The following DHX9 variants were observed in gnomAD, a reference collection of about 807,000 sequenced individuals.
DHX9 encodes the protein DExH-box helicase 9, also known as ATP-dependent RNA helicase A.
In DHX9, 27 loss-of-function variants were observed where a neutral mutation model predicts 148.7. That is an observed-to-expected ratio of 0.18 (90% CI 0.13 to 0.25). The LOEUF (loss-of-function observed/expected upper bound fraction) is 0.25. Among genes scored for constraint, DHX9 ranks in the 10% least tolerant of loss-of-function variants. DHX9 has a pLI of 1.00. For missense variants in DHX9, 796 were observed against 1,559.6 expected, an observed-to-expected ratio of 0.51 and a Z score of 8.25; for synonymous variants, 529 against 516.6, an observed-to-expected ratio of 1.02 and a Z score of -0.33.
At chr1:182,839,813 A>C (rs991729553) in intron 1 of DHX9, 5 of 152,372 alleles carry the variant, frequency 3.3e-5, no homozygotes, top group African/African-American at 1.2e-4. Flanking sequence ...CCGGGGCGCC[A>C]CTGGCCTAGG....
intron 15 of DHX9, among the ~76,000 whole-genome samples, chr1:182,873,320 G>A (rs989788038): frequency 6.6e-6 from 1 of 151,652 alleles, no homozygotes; most frequent in Admixed American, 6.6e-5. Context: ...AGCTGTGGGG[G>A]AAAAAAAAGA....
chr1:182,848,166 T>C (rs1668066267), intron 3 of DHX9, among the ~76,000 whole-genome samples: 1 of 152,236 alleles, frequency 6.6e-6, no homozygotes, highest in African/African-American at 2.4e-5. Context: ...TTATAAACAT[T>C]GTCACCCTCA....
intron 15 of DHX9, among the ~76,000 whole-genome samples, chr1:182,873,622 T>A (rs1459749085): frequency 2.6e-5 from 4 of 152,190 alleles, no homozygotes; most frequent in Admixed American, 6.5e-5. Context: ...GAACGTGTGT[T>A]TAGCTAAATG....
At chr1:182,871,275 G>A (rs1423648224) in intron 14 of DHX9, among the ~76,000 whole-genome samples, 1 of 152,082 alleles carries the variant, frequency 6.6e-6, no homozygotes, top group Admixed American at 6.5e-5. Context: ...TAATAAACAT[G>A]GAGATACTCA....
intron 12 of DHX9, among the ~76,000 whole-genome samples, chr1:182,861,127 T>G (rs986547040): frequency 2.0e-5 from 3 of 152,214 alleles, no homozygotes; most frequent in Non-Finnish European, 4.4e-5. Flanking sequence ...TTTTTATAAT[T>G]AGTATATTTG....
intron 12 of DHX9, among the ~76,000 whole-genome samples, chr1:182,863,645 A>C (rs778414743): frequency 6.6e-6 from 1 of 152,174 alleles, no homozygotes; most frequent in African/African-American, 2.4e-5. Flanking sequence ...TTAAGGGATA[A>C]GTAGAGCATC....
At chr1:182,882,521 A>G (rs558383118) in intron 24 of DHX9, among the ~76,000 whole-genome samples, 10 of 152,288 alleles carry the variant, frequency 6.6e-5, no homozygotes, top group South Asian at 4.1e-4. Flanking sequence ...TTGTGGTCCT[A>G]TCAGTCAAGC....
intron 12 of DHX9, among the ~76,000 whole-genome samples, chr1:182,865,476 A>T (rs1475354840): frequency 2.0e-5 from 3 of 152,224 alleles, no homozygotes; most frequent in Non-Finnish European, 4.4e-5. Flanking sequence ...AAATGGTGAC[A>T]TAGGTGGAAA....
intron 19 of DHX9, 125 bp downstream of exon 19, chr1:182,877,028 G>A: frequency 1.6e-6 from 1 of 624,868 alleles, no homozygotes; most frequent in East Asian, 2.8e-5. Flanking sequence ...AAATTATTGT[G>A]CATCTATATA....
Position 182,858,759 on chromosome 1 carries a change from A to G in DHX9, c.927A>G (p.Ala309=). 5.0e-6 allele frequency: 8 copies of G among 1,614,014 alleles called. No homozygotes were observed. Among genetic ancestry groups the G allele is most frequent in the Non-Finnish European group, 6.8e-6 (8 of 1,180,002 alleles). Residue 309 remains alanine, a synonymous_variant, in exon 10 of 28, where the codon GCA becomes GCG. Transcript: ENST00000367549. ...CTGAAGATCCTTCTGTGCCAGTTGC[A>G]CTCAACATTGGCAAATTGGCTCAGT... ...PPPEDPSVPV[A]LNIGKLAQFE...
chr1:182,876,691 T>C (rs1648819163), intron 18 of DHX9, 139 bp from the exon 19 acceptor site: 2 of 911,192 alleles, frequency 2.2e-6, no homozygotes, highest in Non-Finnish European at 1.7e-6. Flanking sequence ...TAGTAGATTG[T>C]TGTTCATTAA....
intron 20 of DHX9, among the ~76,000 whole-genome samples, chr1:182,878,572 G>T (rs1342458091): frequency 1.3e-5 from 2 of 152,196 alleles, no homozygotes. Flanking sequence ...ACTTTGAACA[G>T]TGTATGGCAC....
intron 22 of DHX9, among the ~76,000 whole-genome samples, chr1:182,880,870 C>T (rs975586121): frequency 3.3e-5 from 5 of 152,154 alleles, no homozygotes; most frequent in African/African-American, 1.2e-4. Context: ...ATGTGGCTCA[C>T]ACCTTGAATC....
rs1249463597 is a variant in DHX9 at position 182,876,247 on chromosome 1, A to C, written c.2013A>C (p.Glu671Asp). The C allele has an allele frequency of 6.2e-7, 1 of 1,613,530 alleles. No individual in the cohort carries two copies. The highest frequency in any genetic ancestry group is 8.5e-7 in the Non-Finnish European group (1 of 1,179,810). Residue 671 changes from glutamate to aspartate, a missense_variant, in exon 17 of 28, where the codon GAA (glutamate) becomes GAC (aspartate). Transcript: ENST00000367549. ...TTTATACTATGCAGAAGCATTTGGA[A>C]ATGAATCCACATTTTGGTATGAGTC... ...NLIYTMQKHLEMNPHFGSHRY... is the reference protein window; with the variant it reads ...NLIYTMQKHLDMNPHFGSHRY...
chr1:182,839,549 C>G (rs1452405362), intron 1 of DHX9, 93 bp downstream of exon 1: 2 of 152,812 alleles, frequency 1.3e-5, no homozygotes, highest in African/African-American at 4.8e-5. Flanking sequence ...TGTTGCGAAG[C>G]GCGGGCGGCG....
intron 24 of DHX9, 122 bp from the exon 25 acceptor site, chr1:182,883,017 A>C: frequency 1.5e-6 from 1 of 681,948 alleles, no homozygotes. Context: ...AAAGTTTTAC[A>C]GACAGGTTAT....
chr1:182,845,951 C>A (rs1473193673), intron 3 of DHX9, among the ~76,000 whole-genome samples: 4 of 152,158 alleles, frequency 2.6e-5, no homozygotes, highest in Non-Finnish European at 5.9e-5. Flanking sequence ...AAACCCTGTC[C>A]TTTGGTTTTT....
At chr1:182,867,401 GT>G (rs1201037543) in intron 14 of DHX9, among the ~76,000 whole-genome samples, 1 of 151,820 alleles carries the variant, frequency 6.6e-6, no homozygotes, top group African/African-American at 2.4e-5. Flanking sequence ...TTTTATAATC[GT>G]TTTTTGTTTT....
intron 12 of DHX9, among the ~76,000 whole-genome samples, chr1:182,864,811 A>G (rs1226675803): frequency 6.6e-6 from 1 of 152,206 alleles, no homozygotes; most frequent in Non-Finnish European, 1.5e-5. Context: ...TAAAACCTCT[A>G]TCATGTCTTC....
Sources: allele counts gnomAD v4.1 joint callset (sites outside exome capture counted in the v4.1 genomes callset), GRCh38; gene constraint gnomAD v4.1.1; transcripts MANE v1.5; gene names NCBI Gene and HGNC (gene_info 2026-07-23, HGNC 2026-07-21).